Variants in SCFD2 observed in about 807,000 individuals in gnomAD.
The protein encoded by SCFD2 is sec1 family domain-containing protein 2.
In SCFD2, 54 loss-of-function variants were observed where a neutral mutation model predicts 58.9. The ratio of observed to expected loss-of-function variants is 0.92; its 90% CI spans 0.74 to 1.15. The LOEUF is 1.15. Ranked by LOEUF, SCFD2 falls within the 50% of genes most tolerant of loss-of-function variation. The probability of loss-of-function intolerance (pLI) is 0.00; values close to 1 mark genes in which losing one functional copy is unlikely to be tolerated. For missense variants in SCFD2, 805 were observed against 836.6 expected, an observed-to-expected ratio of 0.96 and a Z score of 0.47; for synonymous variants, 321 against 335.9, an observed-to-expected ratio of 0.96 and a Z score of 0.49.
At chr4:53,098,240 T>G (rs543952522) in intron 5 of SCFD2, among the ~76,000 whole-genome samples, 1 of 152,244 alleles carries the variant, frequency 6.6e-6, no homozygotes, top group South Asian at 2.1e-4. Context: ...TAAAATGAGT[T>G]AGGGAGGATT....
chr4:53,038,491 A>G (rs1259490012), intron 5 of SCFD2, among the ~76,000 whole-genome samples: 1 of 152,164 alleles, frequency 6.6e-6, no homozygotes, highest in Non-Finnish European at 1.5e-5. Context: ...TTTGTTTTAA[A>G]CAGTTTTCAT....
At chr4:53,267,305 C>T (rs913769456) in intron 4 of SCFD2, among the ~76,000 whole-genome samples, 1 of 152,054 alleles carries the variant, frequency 6.6e-6, no homozygotes, top group Non-Finnish European at 1.5e-5. Flanking sequence ...AACACAAATG[C>T]CCTACTTTCA....
chr4:53,300,540 C>T (rs998106688), intron 3 of SCFD2, among the ~76,000 whole-genome samples: 22 of 152,152 alleles, frequency 1.4e-4, no homozygotes, highest in Admixed American at 1.2e-3. Context: ...GACAGATCAA[C>T]GAGAAAGAAA....
chr4:53,278,150 C>T (rs116430120), intron 3 of SCFD2, among the ~76,000 whole-genome samples: 1 of 151,900 alleles, frequency 6.6e-6, no homozygotes, highest in African/African-American at 2.4e-5. Context: ...GTGGATCACT[C>T]GAGGTCCAGG....
At chr4:53,289,140 G>A (rs893469887) in intron 3 of SCFD2, among the ~76,000 whole-genome samples, 5 of 152,140 alleles carry the variant, frequency 3.3e-5, no homozygotes, top group Admixed American at 3.3e-4. Context: ...CGAGGCAGGT[G>A]GATCCCCTGA....
chr4:53,242,259 C>T (rs1261141462), intron 4 of SCFD2, among the ~76,000 whole-genome samples: 4 of 152,204 alleles, frequency 2.6e-5, no homozygotes, highest in African/African-American at 7.2e-5. Flanking sequence ...ATGGGAGCAC[C>T]TCAGTCCCCT....
chr4:53,162,501 G>A (rs1726880727), intron 4 of SCFD2, among the ~76,000 whole-genome samples: 1 of 152,206 alleles, frequency 6.6e-6, no homozygotes, highest in South Asian at 2.1e-4. Flanking sequence ...CTAGATCCCT[G>A]AGGAATCGCG....
chr4:53,184,546 T>C (rs1384147977), intron 4 of SCFD2, among the ~76,000 whole-genome samples: 3 of 152,126 alleles, frequency 2.0e-5, no homozygotes, highest in African/African-American at 7.2e-5. Flanking sequence ...TGAGAAAGAA[T>C]AAAATTTCTA....
chr4:52,964,260 T>G (rs778964487), intron 5 of SCFD2, among the ~76,000 whole-genome samples: 6 of 152,196 alleles, frequency 3.9e-5, no homozygotes, highest in Non-Finnish European at 7.4e-5. Flanking sequence ...TCAGGAATAT[T>G]TCTGCCTATT....
At position 53,190,609 on chromosome 4, in the gene SCFD2, CTTAT is replaced by C. The variant is rs370305115; in HGVS notation, c.1312-45031_1312-45028del. Among the ~76,000 whole-genome samples, 437 of 152,306 alleles carry C rather than the reference CTTAT, an allele frequency of 2.9e-3. 1 individual carries two copies. Among genetic ancestry groups the C allele is most frequent in the African/African-American group, 0.01 (416 of 41,564 alleles). Reference sequence around the variant, plus strand: ...ATTATACTTTCTAATATATGATTCACTTATTTATTTTCTTCATCGTCTATCTGTC... The same window carrying C: ...ATTATACTTTCTAATATATGATTCACTTATTTTCTTCATCGTCTATCTGTC... On this transcript the variant is annotated intron_variant, in intron 4 of 8. Coordinates refer to ENST00000401642, the MANE Select transcript of SCFD2 (RefSeq NM_152540.4).
At chr4:53,164,806 AG>A (rs377721043) in intron 4 of SCFD2, among the ~76,000 whole-genome samples, 30 of 98,578 alleles carry the variant, frequency 3.0e-4, no homozygotes, top group South Asian at 2.8e-3. Flanking sequence ...AAAAAAAAAA[AG>A]AAGAAGAAGA....
intron 3 of SCFD2, among the ~76,000 whole-genome samples, chr4:53,298,252 C>A (rs1050714607): frequency 2.6e-4 from 39 of 152,312 alleles, no homozygotes; most frequent in Non-Finnish European, 4.9e-4. Context: ...CACCCTAATA[C>A]TGTGCTTTTC....
At chr4:53,271,037 GT>G (rs201441510) in intron 4 of SCFD2, among the ~76,000 whole-genome samples, 4 of 151,364 alleles carry the variant, frequency 2.6e-5, no homozygotes, top group Admixed American at 6.6e-5. Flanking sequence ...GATTCAGAAA[GT>G]TTTTTTTTCT....
intron 5 of SCFD2, among the ~76,000 whole-genome samples, chr4:52,975,857 G>C (rs1488252655): frequency 1.3e-5 from 2 of 152,132 alleles, no homozygotes; most frequent in African/African-American, 4.8e-5. Flanking sequence ...AAAAGGATGA[G>C]TTCACGTTCT....
intron 5 of SCFD2, among the ~76,000 whole-genome samples, chr4:52,931,662 C>T (rs564559570): frequency 2.0e-5 from 3 of 152,250 alleles, no homozygotes; most frequent in African/African-American, 7.2e-5. Context: ...GAAAAGACTG[C>T]CATAATTTGA....
chr4:53,304,136 A>T (rs1732435569), intron 3 of SCFD2, among the ~76,000 whole-genome samples: 1 of 152,026 alleles, frequency 6.6e-6, no homozygotes, highest in South Asian at 2.1e-4. Flanking sequence ...CTTTTCTTTA[A>T]GTATGTTAAA....
intron 4 of SCFD2, among the ~76,000 whole-genome samples, chr4:53,254,112 G>A (rs1730506907): frequency 6.6e-6 from 1 of 152,052 alleles, no homozygotes; most frequent in African/African-American, 2.4e-5. Context: ...GGTGGAGAAG[G>A]GAAAGGATCA....
intron 5 of SCFD2, among the ~76,000 whole-genome samples, chr4:53,056,859 A>G (rs13119284): frequency 0.19 from 29,597 of 152,040 alleles, 3,471 homozygotes; most frequent in Non-Finnish European, 0.27. Flanking sequence ...GGAAGGAGAT[A>G]CTGGGAAAAG....
At chr4:52,905,165 G>C (rs1046084744) in intron 7 of SCFD2, among the ~76,000 whole-genome samples, 24 of 152,312 alleles carry the variant, frequency 1.6e-4, no homozygotes, top group Admixed American at 1.3e-3. Flanking sequence ...TCCTCTTCTG[G>C]AGAGCCTTAA....
Sources: allele counts gnomAD v4.1 joint callset (sites outside exome capture counted in the v4.1 genomes callset), GRCh38; gene constraint gnomAD v4.1.1; transcripts MANE v1.5; gene names NCBI Gene and HGNC (gene_info 2026-07-23, HGNC 2026-07-21).